UTP25: variants seen among roughly 807,000 people sequenced by gnomAD.
UTP25 encodes UTP25 small subunit processome component.
In UTP25, 50 loss-of-function variants were observed where a neutral mutation model predicts 78.9. That is an observed-to-expected ratio of 0.63 (90% CI 0.50 to 0.80). The LOEUF (loss-of-function observed/expected upper bound fraction) is 0.80. UTP25 is among the 30% of genes least tolerant of loss of function. The pLI is 0.00. For missense variants in UTP25, 846 were observed against 911.3 expected (o/e 0.93, Z 0.92); for synonymous variants, 329 against 336.5 (o/e 0.98, Z 0.24).
chr1:209,828,231 C>T (rs2078080107), intron 1 of UTP25, 61 bp downstream of exon 1: 3 of 1,309,128 alleles, frequency 2.3e-6, no homozygotes, highest in Non-Finnish European at 3.3e-6. Context: ...GTTTGGTCCT[C>T]TGGTCTCCCA....
rs373655622 is a variant in UTP25 at position 209,842,476 on chromosome 1, C to A, written c.1668+29C>A. 67 of 1,613,734 alleles carry A rather than the reference C, an allele frequency of 4.2e-5. No individual in the cohort carries two copies. In the African/African-American group the frequency reaches 8.0e-4, roughly 19 times the overall value. ...GGTTCTCGTCTTGTTTCCTCAGTAT[C>A]TTCATGAGCACTGTTTATTGTTTGG... On this transcript the variant is annotated intron_variant, in intron 9 of 11. Transcript: ENST00000491415.
chr1:209,833,201 T>C lies in UTP25; in HGVS notation c.405T>C (p.Ala135=), dbSNP rs776428894. The C allele has an allele frequency of 6.2e-7, 1 of 1,613,676 alleles. No homozygotes were observed. The highest frequency in any genetic ancestry group is 1.7e-5 in the Admixed American group (1 of 59,924). The change falls in exon 4 of 12, where the codon GCT becomes GCC. Residue 135 remains alanine (A), a synonymous_variant. Transcript: ENST00000491415. ...TESPENVALS[A]DPEGKEDGEE... The stretch of plus-strand genomic sequence containing the variant: ...AAACTGCAGATGTAGCTTTATCTGC[T>C]GACCCTGAGGGAAAAGAAGATGGGG...
rs1279405937 is a variant in UTP25 at position 209,851,462 on chromosome 1, G to A, written c.*15G>A. ...GAGAAAAATGAAATTTTGTTGGGCA[G>A]GAAGTGGTATTTGGCATGATACATA... On this transcript the variant is annotated 3_prime_UTR_variant, in exon 12 of 12. Transcript: ENST00000491415. The A allele has an allele frequency of 6.3e-7, 1 of 1,595,070 alleles. No homozygotes were observed. The highest frequency in any genetic ancestry group is 1.7e-5 in the Admixed American group (1 of 57,486).
In UTP25 at chr1:209,837,220, A is replaced by G; in HGVS notation, c.1062+9A>G. Reference sequence around the variant, plus strand: ...GGTTAACAAGGCCCAAGGTGAGTCCAGCAGGAAAGCTTTGCTCTCGAGGAG... The same window carrying G: ...GGTTAACAAGGCCCAAGGTGAGTCCGGCAGGAAAGCTTTGCTCTCGAGGAG... On this transcript the variant is annotated intron_variant, in intron 6 of 11. Coordinates refer to ENST00000491415, the MANE Select transcript of UTP25 (RefSeq NM_014388.7). The G allele has an allele frequency of 6.2e-7, 1 of 1,608,870 alleles. No individual in the cohort carries two copies.
At position 209,841,048 on chromosome 1, in the gene UTP25, A is replaced by C. The variant is rs762260005; in HGVS notation, c.1478A>C (p.His493Pro). 2 of 1,613,948 alleles carry C rather than the reference A, an allele frequency of 1.2e-6. No individual in the cohort carries two copies. The highest frequency in any genetic ancestry group is 2.2e-5 in the South Asian group (2 of 91,072). ...ADIYLMQNWE[H>P]VLHLMNHMNL... is the part of the protein sequence containing the mutation. Reference sequence around the variant, plus strand: ...ATTTACCTGATGCAGAACTGGGAGCATGTCCTGGTAATGCTGGCCATTCAC... The same window carrying C: ...ATTTACCTGATGCAGAACTGGGAGCCTGTCCTGGTAATGCTGGCCATTCAC... Residue 493 changes from histidine to proline, a missense_variant, in exon 8 of 12, where the codon CAT (histidine) becomes CCT (proline). His to Pro is a moderately conservative substitution (Grantham distance 77, BLOSUM62 -2). Coordinates refer to ENST00000491415, the MANE Select transcript of UTP25 (RefSeq NM_014388.7).
Position 209,839,092 on chromosome 1 carries a change from G to GTA in UTP25, c.1248_1249dup (p.Phe417TyrfsTer40), listed in dbSNP as rs2102574339. The stretch of plus-strand genomic sequence containing the variant: ...GAAGAGGCCTGAGGATTATGAAGCC[G>GTA]TATTTGTGGGCAATATTGATGACCA... On this transcript the variant is annotated frameshift_variant, in exon 7 of 12. Transcript: ENST00000491415. LOFTEE classifies it high-confidence loss of function. The GTA allele has an allele frequency of 6.2e-7, 1 of 1,613,458 alleles. No individual in the cohort carries two copies. The highest frequency in any genetic ancestry group is 1.3e-5 in the African/African-American group (1 of 75,032).
rs1173375368 is a variant in UTP25, at chr1:209,843,933, A to G, written c.2027+237A>G. On this transcript the variant is annotated intron_variant, in intron 11 of 11. Transcript: ENST00000491415. ...GTAGAAACCAAAGCATACCCTGTCT[A>G]TAGACCTGGCATGTAGCTGTGGTTA... 2.0e-5 allele frequency: 11 copies of G among 546,580 alleles called. No homozygotes were observed. In the East Asian group the frequency reaches 3.5e-4, roughly 17 times the overall value. 33.9% of individuals were successfully genotyped at this position (546,580 alleles called of 1,614,324 possible). A position where few individuals can be genotyped will look rare whatever the true frequency, so the allele number is the denominator to read the frequency against.
intron 11 of UTP25, among the ~76,000 whole-genome samples, chr1:209,849,551 C>T (rs2102582988): frequency 6.6e-6 from 1 of 152,116 alleles, no homozygotes; most frequent in South Asian, 2.1e-4. Flanking sequence ...CCCCCGTGTG[C>T]TTCACGTTTT....
chr1:209,843,603 C>T lies in UTP25; in HGVS notation c.1934C>T (p.Thr645Met), dbSNP rs757269793. The T allele has an allele frequency of 1.1e-5, 17 of 1,614,040 alleles. No individual in the cohort carries two copies. Among genetic ancestry groups the T allele is most frequent in the African/African-American group, 2.7e-5 (2 of 74,926 alleles). Residue 645 changes from threonine to methionine, a missense_variant, in exon 11 of 12, where the codon ACG becomes ATG. Physicochemically the swap from Thr to Met is moderately conservative, Grantham distance 81. Coordinates refer to ENST00000491415, the MANE Select transcript of UTP25 (RefSeq NM_014388.7). ...ELNFTHICEY[T>M]QKSGVSRARH... ...AATTTTACCCACATCTGCGAGTACA[C>T]GCAGAAGTCTGGTGTCTCCAGGGCC...
intron 4 of UTP25, 126 bp from the exon 5 acceptor site, chr1:209,834,949 G>T (rs531470298): frequency 3.0e-6 from 2 of 671,570 alleles, no homozygotes; most frequent in Admixed American, 6.0e-5. Flanking sequence ...TGGCCAGAGG[G>T]TGGGGAAAGT....
At chr1:209,835,237 G>A in intron 5 of UTP25, 74 bp downstream of exon 5, 1 of 1,318,418 alleles carries the variant, frequency 7.6e-7, no homozygotes, top group Middle Eastern at 1.8e-4. Flanking sequence ...GGTTTTAGTG[G>A]CCTCCCAGAA....
rs1034688581 is a variant in UTP25, at chr1:209,828,233, G to A, written c.107+63G>A. The A allele has an allele frequency of 1.0e-5, 13 of 1,287,866 alleles. No homozygotes were observed. The African/African-American group carries it at 1.0e-4, about 10-fold the overall frequency. The allele number at this position is 1,287,866 out of a possible 1,614,324, so 79.8% of individuals were successfully genotyped here. The stretch of plus-strand genomic sequence containing the variant: ...GATGTATCCTCGAGTTTGGTCCTCT[G>A]GTCTCCCAGATAGTGCTGCTCCGGC... On this transcript the variant is annotated intron_variant, in intron 1 of 11. Coordinates refer to ENST00000491415, the MANE Select transcript of UTP25 (RefSeq NM_014388.7).
intron 7 of UTP25, among the ~76,000 whole-genome samples, chr1:209,840,477 A>T (rs985965370): frequency 3.3e-5 from 5 of 152,184 alleles, no homozygotes; most frequent in African/African-American, 1.2e-4. Flanking sequence ...AAGCTCTCAA[A>T]AGTGTTCATC....
intron 1 of UTP25, among the ~76,000 whole-genome samples, chr1:209,829,110 T>G (rs369585095): frequency 7.2e-5 from 11 of 152,194 alleles, no homozygotes; most frequent in African/African-American, 2.7e-4. Flanking sequence ...ATAAAATGAT[T>G]GTACATATTT....
chr1:209,842,481 T>A lies in UTP25; in HGVS notation c.1668+34T>A, dbSNP rs774943716. On this transcript the variant is annotated intron_variant, in intron 9 of 11. Coordinates refer to ENST00000491415, the MANE Select transcript of UTP25 (RefSeq NM_014388.7). Reference sequence around the variant, plus strand: ...TCGTCTTGTTTCCTCAGTATCTTCATGAGCACTGTTTATTGTTTGGGTCCT... The same window carrying A: ...TCGTCTTGTTTCCTCAGTATCTTCAAGAGCACTGTTTATTGTTTGGGTCCT... 10 of 1,613,612 alleles carry A rather than the reference T, an allele frequency of 6.2e-6. No individual in the cohort carries two copies. In the East Asian group the frequency reaches 2.0e-4, roughly 32 times the overall value.
chr1:209,828,069 C>CG lies in UTP25; in HGVS notation c.6_7insG (p.Lys3GlufsTer16), dbSNP rs2078078393. ...GCAAACTTGACGTTTTCGCTATGGG[C>CG]AAACGCGGGAGCCGGAGCCAGAGCC... On this transcript the variant is annotated frameshift_variant, in exon 1 of 12. Coordinates refer to ENST00000491415, the MANE Select transcript of UTP25 (RefSeq NM_014388.7). LOFTEE classifies it high-confidence loss of function. 2 of 1,613,950 alleles carry CG rather than the reference C, an allele frequency of 1.2e-6. No homozygotes were observed. The highest frequency in any genetic ancestry group is 1.7e-6 in the Non-Finnish European group (2 of 1,179,836).
At position 209,854,154 on chromosome 1, in the gene UTP25, T is replaced by C. The variant is rs2078257753; in HGVS notation, c.*2707T>C. ...ACTACCTTGATGTTAACAAGGCTCA[T>C]TTGCAGCAAGCAAGTGCCTATATAG... On this transcript the variant is annotated 3_prime_UTR_variant, in exon 12 of 12. Coordinates refer to ENST00000491415, the MANE Select transcript of UTP25 (RefSeq NM_014388.7). The C allele has an allele frequency of 6.6e-6, 1 of 152,146 alleles. No homozygotes were observed. The highest frequency in any genetic ancestry group is 2.1e-4 in the South Asian group (1 of 4,830). 9.4% of individuals were successfully genotyped at this position (152,146 alleles called of 1,614,324 possible).
At position 209,845,604 on chromosome 1, in the gene UTP25, G is replaced by A. The variant is rs538750869; in HGVS notation, c.2027+1908G>A. ...CAAGCCATGTTGCCCTCAAAGTCAC[G>A]ATAAGGACAAATCTCAGCATATGCC... is the stretch of plus-strand genomic sequence containing the variant. On this transcript the variant is annotated intron_variant, in intron 11 of 11. Transcript: ENST00000491415. Among the ~76,000 whole-genome samples, 23 of 152,270 alleles carry A rather than the reference G, an allele frequency of 1.5e-4. No homozygotes were observed. The South Asian group carries it at 3.7e-3, about 25-fold the overall frequency.
rs1572011707 is a variant in UTP25, at chr1:209,853,676, C to T, written c.*2229C>T. 1 of 152,218 alleles carries T rather than the reference C, an allele frequency of 6.6e-6. No homozygotes were observed. Among genetic ancestry groups the T allele is most frequent in the Non-Finnish European group, 1.5e-5 (1 of 68,052 alleles). 9.4% of individuals were successfully genotyped at this position (152,218 alleles called of 1,614,324 possible). A position where few individuals can be genotyped will look rare whatever the true frequency, so the allele number is the denominator to read the frequency against. On this transcript the variant is annotated 3_prime_UTR_variant, in exon 12 of 12. Coordinates refer to ENST00000491415, the MANE Select transcript of UTP25 (RefSeq NM_014388.7). ...CCTGGCCAATTACCTACATCTTTTT[C>T]TACTGCCATATTCTTTTGCCTGTGA... is the stretch of plus-strand genomic sequence containing the variant.
Sources: gnomAD v4.1 joint callset for allele counts (sites outside exome capture counted in the v4.1 genomes callset) on GRCh38, gnomAD v4.1.1 for gene constraint, MANE v1.5 for transcripts, NCBI Gene and HGNC (gene_info 2026-07-23, HGNC 2026-07-21) for gene names.